Variants in ZNF814 observed in about 807,000 individuals in gnomAD.
ZNF814 encodes zinc finger protein 814.
In ZNF814, 5 loss-of-function variants were observed where a neutral mutation model predicts 7.5. That is an observed-to-expected ratio of 0.67 (90% CI 0.35 to 1.40). The LOEUF is 1.40. Among genes scored for constraint, ZNF814 ranks in the 40% most tolerant of loss-of-function variants. The probability of loss-of-function intolerance (pLI) is 0.04; values close to 1 mark genes in which losing one functional copy is unlikely to be tolerated. For missense variants in ZNF814, 962 were observed against 1,018.0 expected (o/e 0.94, Z 0.75); for synonymous variants, 315 against 340.7 (o/e 0.92, Z 0.83).
At chr19:57,878,023 GAGC>G (rs2037678187) in intron 1 of ZNF814, among the ~76,000 whole-genome samples, 1 of 151,844 alleles carries the variant, frequency 6.6e-6, no homozygotes, top group Non-Finnish European at 1.5e-5. Flanking sequence ...AAAATTAGCT[GAGC>G]GTGGTGTCGG....
upstream of ZNF814, chr19:57,889,101 A>C (rs2071717944): frequency 2.1e-6 from 1 of 475,800 alleles, no homozygotes; most frequent in East Asian, 3.1e-5. Flanking sequence ...AAACGCCTTT[A>C]TTCTGAGCCC....
chr19:57,883,609 T>G (rs1307772816), intron 1 of ZNF814, among the ~76,000 whole-genome samples: 1 of 149,002 alleles, frequency 6.7e-6, no homozygotes, highest in Non-Finnish European at 1.5e-5. Flanking sequence ...TGCACTGAGC[T>G]GAGATCGCAC....
At chr19:57,890,590 C>A (rs1183301105), upstream of ZNF814, among the ~76,000 whole-genome samples, 1 of 152,094 alleles carries the variant, frequency 6.6e-6, no homozygotes, top group African/African-American at 2.4e-5. Context: ...GAGAGGGAGG[C>A]ACAAGACCAG....
chr19:57,899,296 C>G, the ZNF814 span, among the ~76,000 whole-genome samples: 5 of 152,306 alleles, frequency 3.3e-5, no homozygotes, highest in Admixed American at 6.5e-5. Context: ...TTATCAATTA[C>G]ATGGATGATA....
chr19:57,895,644 G>A, the ZNF814 span, among the ~76,000 whole-genome samples: 1 of 152,066 alleles, frequency 6.6e-6, no homozygotes, highest in Non-Finnish European at 1.5e-5. Flanking sequence ...AACTCCCTAA[G>A]CTGGGCCTCT....
chr19:57,888,665 A>C lies in ZNF814; in HGVS notation c.36+102T>G, dbSNP rs751783540. 4.0e-5 allele frequency: 59 copies of C among 1,457,988 alleles called. 2 individuals carry two copies. Among genetic ancestry groups the C allele is most frequent in the South Asian group, 3.2e-4 (26 of 81,344 alleles). 90.3% of individuals were successfully genotyped at this position (1,457,988 alleles called of 1,614,324 possible). A position where few individuals can be genotyped will look rare whatever the true frequency, so the allele number is the denominator to read the frequency against. On this transcript the variant is annotated intron_variant, in intron 1 of 2. Transcript: ENST00000435989. ...CCTCCCGCAAGCGCCTCAGTGTCCC[A>C]ACGCCGGCGTCCGGGCTGCAGAGCC...
chr19:57,880,626 AGAG>A, intron 1 of ZNF814, among the ~76,000 whole-genome samples: 2 of 118,222 alleles, frequency 1.7e-5, no homozygotes, highest in East Asian at 2.6e-4. Context: ...TTTTTTTTTA[AGAG>A]AGAGTCTCGC....
rs1449810819 is a variant in ZNF814, at chr19:57,873,336, T to C, written c.2054A>G (p.Glu685Gly). Reference sequence around the variant, plus strand: ...ACATTCCCTACATACATAAGGTCTTTCTCCAGTATGGCCATGCTGGTGTAG... The same window carrying C: ...ACATTCCCTACATACATAAGGTCTTCCTCCAGTATGGCCATGCTGGTGTAG... ...LILHQHGHTG[E>G]RPYVCRECGK... The change falls in exon 3 of 3, where the codon GAA becomes GGA. Residue 685 changes from glutamate (E) to glycine (G), a missense_variant. Glu to Gly is a moderately conservative substitution (Grantham distance 98). Around this residue, in one of 7 missense-constraint regions of ZNF814, gnomAD observed 665 missense variants for 551.4 expected, o/e 1.21. Coordinates refer to ENST00000435989, the MANE Select transcript of ZNF814 (RefSeq NM_001144989.2). 17 of 1,592,942 alleles carry C rather than the reference T, an allele frequency of 1.1e-5. No homozygotes were observed. The highest frequency in any genetic ancestry group is 2.3e-5 in the East Asian group (1 of 43,608).
At chr19:57,883,271 T>C (rs559156006) in intron 1 of ZNF814, among the ~76,000 whole-genome samples, 1 of 149,656 alleles carries the variant, frequency 6.7e-6, no homozygotes, top group East Asian at 2.0e-4. Context: ...GGCAGGAGAA[T>C]GGCATGAACC....
At position 57,872,943 on chromosome 19, in the gene ZNF814, G is replaced by A. The variant is rs548646990; in HGVS notation, c.2447C>T (p.Thr816Ile). The A allele has an allele frequency of 9.9e-5, 160 of 1,611,970 alleles. 1 individual carries two copies. The highest frequency in any genetic ancestry group is 6.6e-4 in the Middle Eastern group (4 of 6,036). ...TCCAGTGTGAACTCTCTTGTGTTTAGTGAGACTGGAGCTTTCAGCAAAAGA... is the reference window on the plus strand; with the variant it reads ...TCCAGTGTGAACTCTCTTGTGTTTAATGAGACTGGAGCTTTCAGCAAAAGA... Reference protein sequence around the residue: ...GKSFAESSSLTKHKRVHTGEK... With the variant: ...GKSFAESSSLIKHKRVHTGEK... Residue 816 changes from threonine to isoleucine, a missense_variant, in exon 3 of 3, where the codon ACT becomes ATT. Around this residue, in one of 7 missense-constraint regions of ZNF814, gnomAD observed 665 missense variants for 551.4 expected, o/e 1.21. Coordinates refer to ENST00000435989, the MANE Select transcript of ZNF814 (RefSeq NM_001144989.2).
the ZNF814 span, among the ~76,000 whole-genome samples, chr19:57,897,605 C>T: frequency 6.6e-6 from 1 of 152,182 alleles, no homozygotes; most frequent in African/African-American, 2.4e-5. Context: ...CAGTCAGTGC[C>T]CTTACAAACG....
rs917290104 is a variant in ZNF814, at chr19:57,871,030, T to C, written c.*1792A>G. The C allele has an allele frequency of 1.3e-5, 2 of 152,252 alleles. No individual in the cohort carries two copies. The highest frequency in any genetic ancestry group is 4.8e-5 in the African/African-American group (2 of 41,566). The allele number at this position is 152,252 out of a possible 1,614,324, so 9.4% of individuals were successfully genotyped here. On this transcript the variant is annotated 3_prime_UTR_variant, in exon 3 of 3. Coordinates refer to ENST00000435989, the MANE Select transcript of ZNF814 (RefSeq NM_001144989.2). ...AAAGACATGAGTTGCAGTTACATTATTCTGTCTCCTCCACTGCCTATAAAT... is the reference window on the plus strand; with the variant it reads ...AAAGACATGAGTTGCAGTTACATTACTCTGTCTCCTCCACTGCCTATAAAT...
At chr19:57,896,138 T>C in the ZNF814 span, among the ~76,000 whole-genome samples, 1 of 150,614 alleles carries the variant, frequency 6.6e-6, no homozygotes, top group African/African-American at 2.5e-5. This position sits in a 1 kb window ranked among gnomAD's most constrained non-coding sequence, Gnocchi z 4.2. Flanking sequence ...ACGAGAGCCT[T>C]TGAGCGAGCC....
intron 1 of ZNF814, among the ~76,000 whole-genome samples, chr19:57,880,625 AAG>A (rs1196377748): frequency 1.2e-5 from 1 of 86,014 alleles, no homozygotes; most frequent in African/African-American, 7.9e-5. Context: ...TTTTTTTTTT[AAG>A]AGAGAGTCTC....
intron 1 of ZNF814, among the ~76,000 whole-genome samples, chr19:57,885,721 G>A (rs1294633595): frequency 6.6e-6 from 1 of 150,414 alleles, no homozygotes; most frequent in Non-Finnish European, 1.5e-5. Flanking sequence ...AAGAGAATAA[G>A]ATCTAGTATT....
At chr19:57,901,324 A>T in the ZNF814 span, among the ~76,000 whole-genome samples, 1 of 152,234 alleles carries the variant, frequency 6.6e-6, no homozygotes, top group African/African-American at 2.4e-5. Context: ...TTAACATTAA[A>T]TTTTTTAAAT....
At chr19:57,876,535 T>C (rs1356568593) in intron 2 of ZNF814, 2 of 335,966 alleles carry the variant, frequency 6.0e-6, no homozygotes, top group Non-Finnish European at 1.1e-5. Context: ...CTCTGGTCTA[T>C]ATAGGCAGTG....
At chr19:57,898,498 CTT>C in the ZNF814 span, among the ~76,000 whole-genome samples, 6 of 152,202 alleles carry the variant, frequency 3.9e-5, no homozygotes, top group African/African-American at 1.2e-4. Flanking sequence ...TCCCATTCCT[CTT>C]GTTTGGTTAA....
chr19:57,875,992 G>T (rs539662252), intron 2 of ZNF814, among the ~76,000 whole-genome samples: 1 of 108,280 alleles, frequency 9.2e-6, no homozygotes, highest in Admixed American at 1.4e-4. Flanking sequence ...ATGGAGTCTC[G>T]CTCTGTCACC....
Sources: gnomAD v4.1 joint callset for allele counts (sites outside exome capture counted in the v4.1 genomes callset) on GRCh38, gnomAD v4.1.1 for gene constraint, gnomAD v4.1.1 regional missense constraint, Gnocchi (gnomAD v3.1) non-coding constraint, MANE v1.5 for transcripts, NCBI Gene and HGNC (gene_info 2026-07-23, HGNC 2026-07-21) for gene names.